SGCZ: variants seen among roughly 807,000 people sequenced by gnomAD.
SGCZ encodes the protein zeta-sarcoglycan.
In SGCZ, 40 loss-of-function variants were observed where a neutral mutation model predicts 41.3. That is an observed-to-expected ratio of 0.97 (90% CI 0.75 to 1.26). The LOEUF (loss-of-function observed/expected upper bound fraction) is 1.26. Ranked by LOEUF, SGCZ falls within the 50% of genes most tolerant of loss-of-function variation. The pLI is 0.00. For synonymous variants in SGCZ, 206 were observed against 137.5 expected (o/e 1.50, Z -3.49); for missense variants, 552 against 369.8 (o/e 1.49, Z -4.04).
intron 1 of SGCZ, among the ~76,000 whole-genome samples, chr8:15,177,270 G>A (rs1352258234): frequency 2.0e-5 from 3 of 152,160 alleles, no homozygotes; most frequent in Admixed American, 6.5e-5. Flanking sequence ...TCAGATGGTC[G>A]AAATTATGCC....
chr8:14,667,169 A>G (rs1440362085), intron 1 of SGCZ, among the ~76,000 whole-genome samples: 1 of 152,158 alleles, frequency 6.6e-6, no homozygotes, highest in Non-Finnish European at 1.5e-5. Flanking sequence ...CATTCTTTGG[A>G]AAGGAGGAAG....
At chr8:14,659,278 C>T (rs937352570) in intron 1 of SGCZ, among the ~76,000 whole-genome samples, 1 of 152,050 alleles carries the variant, frequency 6.6e-6, no homozygotes, top group Non-Finnish European at 1.5e-5. Context: ...GCTTAAAGTG[C>T]TGAATATGGT....
chr8:14,642,075 CCT>C (rs1807043794), intron 1 of SGCZ, among the ~76,000 whole-genome samples: 1 of 151,584 alleles, frequency 6.6e-6, no homozygotes, highest in Non-Finnish European at 1.5e-5. Context: ...GTACAATTCA[CCT>C]GGAAGTATTT....
intron 2 of SGCZ, among the ~76,000 whole-genome samples, chr8:14,544,459 C>G (rs969081716): frequency 1.3e-5 from 2 of 152,100 alleles, no homozygotes; most frequent in Non-Finnish European, 2.9e-5. Flanking sequence ...TATTTTCCTT[C>G]TTGCAGAGAG....
chr8:15,231,956 T>C (rs1009826391), intron 1 of SGCZ, among the ~76,000 whole-genome samples: 1 of 152,194 alleles, frequency 6.6e-6, no homozygotes, highest in African/African-American at 2.4e-5. Flanking sequence ...GGTAGCTTAC[T>C]TCTAGTCACA....
chr8:14,896,729 G>A (rs547309989), intron 1 of SGCZ, among the ~76,000 whole-genome samples: 78 of 150,550 alleles, frequency 5.2e-4, no homozygotes, highest in African/African-American at 1.6e-3. Context: ...AACCTGCCTC[G>A]GCCTCCCAAA....
At position 14,211,717 on chromosome 8, in the gene SGCZ, G is replaced by A. The variant is rs1488506755; in HGVS notation, c.424+25875C>T. Among the ~76,000 whole-genome samples the A allele has an allele frequency of 4.6e-5, 7 of 152,080 alleles. No homozygotes were observed. The East Asian group carries it at 1.2e-3, about 25-fold the overall frequency. On this transcript the variant is annotated intron_variant, in intron 4 of 7. Coordinates refer to ENST00000382080, the MANE Select transcript of SGCZ (RefSeq NM_139167.4). Reference sequence around the variant, plus strand: ...ACTTTTAAACCATCACATCTCGTGAGAACTCACTCACTATCACAAGAACAG... The same window carrying A: ...ACTTTTAAACCATCACATCTCGTGAAAACTCACTCACTATCACAAGAACAG...
intron 2 of SGCZ, among the ~76,000 whole-genome samples, chr8:14,452,928 C>A (rs1800636187): frequency 6.6e-6 from 1 of 151,868 alleles, no homozygotes; most frequent in Admixed American, 6.6e-5. Context: ...CATGGTGAAA[C>A]CCAGTCTCTA....
At chr8:14,555,884 T>C (rs542589166) in intron 1 of SGCZ, among the ~76,000 whole-genome samples, 1 of 152,100 alleles carries the variant, frequency 6.6e-6, no homozygotes, top group Non-Finnish European at 1.5e-5. Context: ...ATGTTGGTTA[T>C]TTTAGTTGTA....
chr8:14,125,294 G>C (rs1174780854), intron 5 of SGCZ, among the ~76,000 whole-genome samples: 3 of 151,938 alleles, frequency 2.0e-5, no homozygotes, highest in Non-Finnish European at 4.4e-5. Context: ...ACAAGGTCAG[G>C]AGATCAAGAC....
At chr8:14,928,604 T>C (rs1799832472) in intron 1 of SGCZ, among the ~76,000 whole-genome samples, 1 of 152,180 alleles carries the variant, frequency 6.6e-6, no homozygotes, top group Non-Finnish European at 1.5e-5. Flanking sequence ...TTACACAATT[T>C]TAATCTCATT....
chr8:14,612,977 T>G (rs1424628997), intron 1 of SGCZ, among the ~76,000 whole-genome samples: 1 of 152,136 alleles, frequency 6.6e-6, no homozygotes, highest in Non-Finnish European at 1.5e-5. Context: ...TGAGCCACCA[T>G]GCCCAGGAAA....
At chr8:14,955,314 T>C (rs1045369228) in intron 1 of SGCZ, among the ~76,000 whole-genome samples, 1 of 152,208 alleles carries the variant, frequency 6.6e-6, no homozygotes, top group Non-Finnish European at 1.5e-5. Context: ...TGTTAGTCCA[T>C]TGTATAAGCC....
At chr8:14,533,748 C>T (rs1291500908) in intron 2 of SGCZ, among the ~76,000 whole-genome samples, 1 of 151,884 alleles carries the variant, frequency 6.6e-6, no homozygotes, top group Non-Finnish European at 1.5e-5. Context: ...GTTTAAACAC[C>T]ATTAACCAAA....
intron 1 of SGCZ, among the ~76,000 whole-genome samples, chr8:14,935,296 T>C (rs2130811621): frequency 6.6e-6 from 1 of 151,922 alleles, no homozygotes; most frequent in South Asian, 2.1e-4. Flanking sequence ...CATTATTTGC[T>C]TAATACTACA....
chr8:15,048,587 T>G (rs1291711611), intron 1 of SGCZ, among the ~76,000 whole-genome samples: 1 of 152,076 alleles, frequency 6.6e-6, no homozygotes, highest in Non-Finnish European at 1.5e-5. Context: ...AAATATCACA[T>G]GCACCCCATA....
At chr8:14,121,826 T>A (rs1802705372) in intron 5 of SGCZ, among the ~76,000 whole-genome samples, 1 of 152,234 alleles carries the variant, frequency 6.6e-6, no homozygotes, top group African/African-American at 2.4e-5. Flanking sequence ...TTTTCTGTTC[T>A]GTAAAATAAA....
chr8:14,240,316 A>C lies in SGCZ; in HGVS notation c.337-2637T>G, dbSNP rs1202016314. ...GCACTCCAGCCTGAGTGACAGAGCG[A>C]AACTCTGTGTCAAAAAAAAAAAAAA... On this transcript the variant is annotated intron_variant, in intron 3 of 7. Transcript: ENST00000382080. Among the ~76,000 whole-genome samples the C allele has an allele frequency of 3.1e-5, 4 of 130,782 alleles. No homozygotes were observed. The South Asian group carries it at 7.8e-4, about 26-fold the overall frequency. 85.8% of individuals were successfully genotyped at this position (130,782 alleles called of 152,430 possible). A position where few individuals can be genotyped will look rare whatever the true frequency, so the allele number is the denominator to read the frequency against.
chr8:14,709,699 A>G (rs1208034106), intron 1 of SGCZ, among the ~76,000 whole-genome samples: 1 of 152,180 alleles, frequency 6.6e-6, no homozygotes, highest in East Asian at 1.9e-4. Context: ...AAAAAGACAA[A>G]CTATTTAAAA....
Sources: gnomAD v4.1 joint callset for allele counts (sites outside exome capture counted in the v4.1 genomes callset) on GRCh38, gnomAD v4.1.1 for gene constraint, MANE v1.5 for transcripts, NCBI Gene and HGNC (gene_info 2026-07-23, HGNC 2026-07-21) for gene names.